R3HCC1L: variants seen among roughly 807,000 people sequenced by gnomAD.
R3HCC1L encodes coiled-coil domain-containing protein R3HCC1L.
Under a neutral mutation model 59.9 loss-of-function variants are expected in R3HCC1L, and 51 were observed. The observed-to-expected ratio is 0.85, with a 90% CI of 0.68 to 1.07. The LOEUF is 1.07. R3HCC1L is among the 50% of genes least tolerant of loss of function. The probability of loss-of-function intolerance (pLI) is 0.00; values close to 1 mark genes in which losing one functional copy is unlikely to be tolerated. For missense variants in R3HCC1L, 965 were observed against 933.0 expected (o/e 1.03, Z -0.45); for synonymous variants, 322 against 315.2 (o/e 1.02, Z -0.23).
intron 5 of R3HCC1L, among the ~76,000 whole-genome samples, chr10:98,221,331 C>T (rs1490413270): frequency 2.0e-5 from 3 of 149,684 alleles, no homozygotes; most frequent in Non-Finnish European, 3.0e-5. Flanking sequence ...TTGTAGGTTG[C>T]CTGTTCACTC....
intron 5 of R3HCC1L, among the ~76,000 whole-genome samples, chr10:98,210,960 C>G (rs545942854): frequency 2.0e-5 from 3 of 152,190 alleles, no homozygotes; most frequent in African/African-American, 7.2e-5. Context: ...AACTGACTTT[C>G]CAATACCAAG....
At chr10:98,147,291 C>T (rs950851860) in intron 1 of R3HCC1L, among the ~76,000 whole-genome samples, 2 of 152,008 alleles carry the variant, frequency 1.3e-5, no homozygotes, top group African/African-American at 2.4e-5. Flanking sequence ...GTTGTTTGAA[C>T]TCCTTGTATA....
intron 1 of R3HCC1L, among the ~76,000 whole-genome samples, chr10:98,146,494 C>G (rs1347940068): frequency 6.6e-6 from 1 of 152,094 alleles, no homozygotes; most frequent in Non-Finnish European, 1.5e-5. Flanking sequence ...CTTCTGGTAC[C>G]CACCAATCTG....
At chr10:98,162,077 C>T (rs767066747) in intron 2 of R3HCC1L, among the ~76,000 whole-genome samples, 43 of 151,772 alleles carry the variant, frequency 2.8e-4, no homozygotes, top group Non-Finnish European at 5.9e-4. Context: ...AAGTTTTCTT[C>T]GTATTTAACT....
rs528740635 is a variant in R3HCC1L, at chr10:98,220,356, A to G, written c.1785+10457A>G. 1.3e-4 allele frequency among the ~76,000 whole-genome samples: 19 copies of G among 140,874 alleles called. 1 individual carries two copies. The highest frequency in any genetic ancestry group is 2.5e-4 in the Non-Finnish European group (16 of 64,266). The allele number at this position is 140,874 out of a possible 152,430, so 92.4% of individuals were successfully genotyped here. A position where few individuals can be genotyped will look rare whatever the true frequency, so the allele number is the denominator to read the frequency against. The stretch of plus-strand genomic sequence containing the variant: ...TTTTGAATTCTTTGTCAGGCATTTC[A>G]TGGATTTCTTTTTCTTTTTTTTTTC... On this transcript the variant is annotated intron_variant, in intron 5 of 9. Coordinates refer to ENST00000298999, the MANE Select transcript of R3HCC1L (RefSeq NM_001351015.2).
At chr10:98,190,229 A>G (rs1229468754) in intron 4 of R3HCC1L, among the ~76,000 whole-genome samples, 2 of 152,200 alleles carry the variant, frequency 1.3e-5, no homozygotes, top group Non-Finnish European at 2.9e-5. Context: ...GGTTGGTTGA[A>G]TCCATAGACC....
At position 98,209,057 on chromosome 10, in the gene R3HCC1L, ATC is replaced by A. The variant is rs1394895536; in HGVS notation, c.949_950del (p.Leu317ValfsTer6). 2 of 1,613,470 alleles carry A rather than the reference ATC, an allele frequency of 1.2e-6. No homozygotes were observed. Among genetic ancestry groups the A allele is most frequent in the South Asian group, 1.1e-5 (1 of 91,078 alleles). The stretch of plus-strand genomic sequence containing the variant: ...TTCCATTCCTGCAACTATGGGTCAC[ATC>A]TCTCTGTCAGAGAGCACAAATGACA... Reference protein sequence around the residue: ...TDSIPATMGHISLSESTNDTV... With the variant: ...TDSIPATMGHXSLSESTNDTV... On this transcript the variant is annotated frameshift_variant, in exon 5 of 10. Transcript: ENST00000298999. LOFTEE classifies it high-confidence loss of function.
chr10:98,215,544 A>G (rs939909286), intron 5 of R3HCC1L, among the ~76,000 whole-genome samples: 12 of 152,296 alleles, frequency 7.9e-5, no homozygotes, highest in African/African-American at 2.6e-4. Context: ...ATGCTTTTCT[A>G]TTCAGTGTCA....
intron 2 of R3HCC1L, among the ~76,000 whole-genome samples, 187 bp from the exon 3 acceptor site, chr10:98,162,696 C>G (rs967436403): frequency 2.5e-4 from 36 of 144,406 alleles, no homozygotes; most frequent in African/African-American, 9.4e-4. Context: ...GTGTGTGTGT[C>G]TCTGTGTGTG....
At chr10:98,151,946 T>TCCCTCTCTTTCCACGGTCTCCCTCG (rs1846205821) in intron 1 of R3HCC1L, among the ~76,000 whole-genome samples, 2 of 152,024 alleles carry the variant, frequency 1.3e-5, no homozygotes, top group African/African-American at 2.4e-5. Context: ...GGTCTCCCTC[T>TCCCTCTCTTTCCACGGTCTCCCTCG]CCCTCTCTTT....
chr10:98,172,841 TA>T (rs1301168754), intron 4 of R3HCC1L, among the ~76,000 whole-genome samples: 1 of 152,120 alleles, frequency 6.6e-6, no homozygotes, highest in Non-Finnish European at 1.5e-5. Context: ...AAAATTTGAC[TA>T]AACTTGGGAT....
chr10:98,240,675 C>CT (rs1435517250), intron 9 of R3HCC1L, among the ~76,000 whole-genome samples: 1 of 152,196 alleles, frequency 6.6e-6, no homozygotes, highest in Non-Finnish European at 1.5e-5. Flanking sequence ...TGAAAACCTT[C>CT]TTTAGACTTT....
intron 4 of R3HCC1L, 53 bp from the exon 5 acceptor site, chr10:98,208,048 G>T: frequency 6.9e-7 from 1 of 1,454,268 alleles, no homozygotes; most frequent in Non-Finnish European, 9.2e-7. Context: ...AAAATATTTT[G>T]GTTCAATACA....
At chr10:98,156,775 C>A (rs1234945792) in intron 2 of R3HCC1L, among the ~76,000 whole-genome samples, 1 of 152,120 alleles carries the variant, frequency 6.6e-6, no homozygotes, top group Non-Finnish European at 1.5e-5. Flanking sequence ...AAGTAAGGGG[C>A]TAAGCTAACA....
Position 98,203,989 on chromosome 10 carries a change from G to T in R3HCC1L, c.-14-4112G>T, listed in dbSNP as rs7900714. On this transcript the variant is annotated intron_variant, in intron 4 of 9. Transcript: ENST00000298999. Reference sequence around the variant, plus strand: ...ATTTTTGAACAGAGTGCATGCTGATGGTCCTTCAAGCATAAATTAGCTGCA... The same window carrying T: ...ATTTTTGAACAGAGTGCATGCTGATTGTCCTTCAAGCATAAATTAGCTGCA... Among the ~76,000 whole-genome samples, 898 of 152,264 alleles carry T rather than the reference G, an allele frequency of 5.9e-3. 5 individuals carry two copies. The highest frequency in any genetic ancestry group is 0.021 in the African/African-American group (859 of 41,532).
At chr10:98,151,116 CT>C (rs1846116291) in intron 1 of R3HCC1L, among the ~76,000 whole-genome samples, 1 of 152,104 alleles carries the variant, frequency 6.6e-6, no homozygotes, top group South Asian at 2.1e-4. Flanking sequence ...TTTTTGAATT[CT>C]GGGATATTGC....
intron 4 of R3HCC1L, among the ~76,000 whole-genome samples, chr10:98,198,716 A>G (rs916030869): frequency 2.6e-5 from 4 of 152,140 alleles, no homozygotes; most frequent in Admixed American, 6.5e-5. Context: ...TTGTATGCAG[A>G]TAAGCTTATC....
At chr10:98,178,403 G>T (rs1849267232) in intron 4 of R3HCC1L, among the ~76,000 whole-genome samples, 1 of 152,072 alleles carries the variant, frequency 6.6e-6, no homozygotes. Context: ...TGAGGCCTCT[G>T]TTCTGTTCCA....
intron 5 of R3HCC1L, among the ~76,000 whole-genome samples, chr10:98,231,229 G>A (rs1248978298): frequency 6.6e-6 from 1 of 152,164 alleles, no homozygotes. Flanking sequence ...TATTCAGTCT[G>A]TGTTTTCTCG....
Sources: allele counts gnomAD v4.1 joint callset (sites outside exome capture counted in the v4.1 genomes callset), GRCh38; gene constraint gnomAD v4.1.1; transcripts MANE v1.5; gene names NCBI Gene and HGNC (gene_info 2026-07-23, HGNC 2026-07-21).